Variants in CPEB1 observed in about 807,000 individuals in gnomAD.
CPEB1 encodes cytoplasmic polyadenylation element binding protein 1, also known as cytoplasmic polyadenylation element-binding protein 1.
Under a neutral mutation model 65.8 loss-of-function variants are expected in CPEB1, and 7 were observed. That is an observed-to-expected ratio of 0.11 (90% confidence interval 0.06 to 0.20). CPEB1 has a LOEUF of 0.20. CPEB1 is among the 10% of genes least tolerant of loss of function. The probability of loss-of-function intolerance (pLI) is 1.00; values close to 1 mark genes in which losing one functional copy is unlikely to be tolerated. For synonymous variants in CPEB1, 262 were observed against 260.0 expected, an observed-to-expected ratio of 1.01 and a Z score of -0.08; for missense variants, 551 against 712.2, an observed-to-expected ratio of 0.77 and a Z score of 2.58.
rs1265368312 is a variant in CPEB1, at chr15:82,553,989, C to A, written c.943G>T (p.Val315Leu). The A allele has an allele frequency of 2.5e-6, 4 of 1,590,398 alleles. No homozygotes were observed. ...EARLHRQAAA[V>L]NEATCTWSGQ... ...CTCCAGGTACAGGTGGCTTCATTCA[C>A]AGCTTTGGTAGATGGCAAAGAGATA... Residue 315 changes from valine to leucine, a missense_variant and splice_region_variant, in exon 7 of 13, where the codon GTG becomes TTG. Around this residue, in one of 6 missense-constraint regions of CPEB1, gnomAD observed 128 missense variants for 129.1 expected, o/e 0.99. Coordinates refer to ENST00000684509, the MANE Select transcript of CPEB1 (RefSeq NM_001365242.1).
At chr15:82,588,687 T>C (rs2151134424) in intron 3 of CPEB1, among the ~76,000 whole-genome samples, 1 of 152,360 alleles carries the variant, frequency 6.6e-6, no homozygotes, top group Middle Eastern at 3.4e-3. Flanking sequence ...GTTAAATGCA[T>C]ACACCTTACA....
chr15:82,634,040 G>A (rs2046464616), intron 1 of CPEB1, among the ~76,000 whole-genome samples: 1 of 151,874 alleles, frequency 6.6e-6, no homozygotes, highest in Non-Finnish European at 1.5e-5. Flanking sequence ...ACATGGATAT[G>A]CTCAATAAAT....
chr15:82,614,885 A>G (rs931675987), intron 3 of CPEB1, among the ~76,000 whole-genome samples: 193 of 151,522 alleles, frequency 1.3e-3, no homozygotes, highest in Admixed American at 2.2e-3. Context: ...GTGTGTATAT[A>G]TATATATGAC....
intron 4 of CPEB1, among the ~76,000 whole-genome samples, chr15:82,568,912 G>C (rs909668385): frequency 2.5e-4 from 38 of 152,204 alleles, no homozygotes; most frequent in African/African-American, 7.7e-4. Context: ...TTACTTAAGA[G>C]TGGTAGAAGA....
intron 10 of CPEB1, 73 bp downstream of exon 10, chr15:82,549,387 T>C (rs1282512136): frequency 1.4e-5 from 21 of 1,503,222 alleles, no homozygotes; most frequent in Non-Finnish European, 1.8e-5. Context: ...CTCACTCCCA[T>C]GGGGAAGTAT....
chr15:82,571,724 C>T, intron 3 of CPEB1, 192 bp from the exon 4 acceptor site: 1 of 1,424,888 alleles, frequency 7.0e-7, no homozygotes, highest in Non-Finnish European at 9.1e-7. Context: ...TACAGGCCCC[C>T]TCCCCTCACA....
intron 3 of CPEB1, among the ~76,000 whole-genome samples, chr15:82,585,365 A>C (rs186438189): frequency 2.0e-5 from 3 of 152,268 alleles, no homozygotes; most frequent in African/African-American, 7.2e-5. Flanking sequence ...TTTCAGCGGC[A>C]AAGTCTGGAC....
At chr15:82,621,361 C>T (rs1336072555) in intron 3 of CPEB1, among the ~76,000 whole-genome samples, 1 of 151,684 alleles carries the variant, frequency 6.6e-6, no homozygotes, top group African/African-American at 2.4e-5. Flanking sequence ...GTGGCTCACG[C>T]CTGTAATCCC....
chr15:82,647,735 G>T, upstream of CPEB1: 2 of 920,014 alleles, frequency 2.2e-6, no homozygotes, highest in Non-Finnish European at 2.8e-6. Flanking sequence ...GCCCCGCCCG[G>T]GACTCGCCCG....
At chr15:82,611,619 A>G (rs1330924851) in intron 3 of CPEB1, among the ~76,000 whole-genome samples, 1 of 151,836 alleles carries the variant, frequency 6.6e-6, no homozygotes, top group Admixed American at 6.6e-5. Flanking sequence ...AAAATTAGCC[A>G]GCAGCCACGG....
intron 9 of CPEB1, 50 bp downstream of exon 9, chr15:82,552,430 C>A (rs778863611): frequency 6.7e-7 from 1 of 1,489,806 alleles, no homozygotes; most frequent in Non-Finnish European, 8.9e-7. Context: ...AAATCCAGTG[C>A]CTCAATATTC....
chr15:82,577,670 A>G (rs1198751107), intron 3 of CPEB1, among the ~76,000 whole-genome samples: 24 of 152,110 alleles, frequency 1.6e-4, no homozygotes, highest in Admixed American at 1.6e-3. Flanking sequence ...GCATGCCACC[A>G]TACCTGGCTA....
chr15:82,647,646 C>T (rs1468915535), upstream of CPEB1: 2 of 356,550 alleles, frequency 5.6e-6, no homozygotes, highest in Non-Finnish European at 9.8e-6. Flanking sequence ...GCCCAAAGGC[C>T]CTGAGTCACG....
chr15:82,600,249 T>C (rs1249130787), intron 3 of CPEB1, among the ~76,000 whole-genome samples: 1 of 152,068 alleles, frequency 6.6e-6, no homozygotes, highest in Non-Finnish European at 1.5e-5. Context: ...ACATGTTCAG[T>C]ATATGGAGAG....
intron 3 of CPEB1, among the ~76,000 whole-genome samples, chr15:82,595,867 G>T (rs929826212): frequency 2.0e-5 from 3 of 152,170 alleles, no homozygotes; most frequent in Non-Finnish European, 4.4e-5. Flanking sequence ...CACTAGAAAA[G>T]AAGTACTCAG....
Position 82,546,480 on chromosome 15 carries a change from G to T in CPEB1, c.1617C>A (p.Ile539=). Residue 539 remains isoleucine, a synonymous_variant, in exon 12 of 13, where the codon ATC becomes ATA. Transcript: ENST00000684509. ...AGAAAGGACCAGGCTGAGAACTGCA[G>T]ATATGACACAGAGAATCTTCTAGGT... ...DPYLEDSLCH[I]CSSQPGPFFC... is the part of the protein sequence containing the mutation. 1.2e-6 allele frequency: 2 copies of T among 1,614,082 alleles called. No individual in the cohort carries two copies. Among genetic ancestry groups the T allele is most frequent in the East Asian group, 2.2e-5 (1 of 44,876 alleles).
intron 4 of CPEB1, among the ~76,000 whole-genome samples, chr15:82,561,462 C>T (rs537930216): frequency 2.0e-5 from 3 of 152,246 alleles, no homozygotes; most frequent in South Asian, 2.1e-4. Flanking sequence ...AAGGGAGAAA[C>T]AGCATAAAGC....
At chr15:82,588,908 T>C (rs1023252938) in intron 3 of CPEB1, among the ~76,000 whole-genome samples, 1 of 152,192 alleles carries the variant, frequency 6.6e-6, no homozygotes, top group Non-Finnish European at 1.5e-5. Flanking sequence ...GTTCTTAAGA[T>C]TGAGTATCTT....
chr15:82,641,058 C>A (rs2047068726), intron 1 of CPEB1, among the ~76,000 whole-genome samples: 1 of 151,958 alleles, frequency 6.6e-6, no homozygotes. Context: ...GTCTCTATTC[C>A]CTGCTCACAG....
Sources: allele counts gnomAD v4.1 joint callset (sites outside exome capture counted in the v4.1 genomes callset), GRCh38; gene constraint gnomAD v4.1.1; regional missense constraint gnomAD v4.1.1; transcripts MANE v1.5; gene names NCBI Gene and HGNC (gene_info 2026-07-23, HGNC 2026-07-21).